OR51B5: variants seen among roughly 807,000 people sequenced by gnomAD.
The protein encoded by OR51B5 is olfactory receptor family 51 subfamily B member 5.
For missense variants in OR51B5, 456 were observed against 374.6 expected (o/e 1.22, Z -1.79); for synonymous variants, 186 against 144.8 (o/e 1.28, Z -2.04).
intron 1 of OR51B5, among the ~76,000 whole-genome samples, chr11:5,460,815 G>T (rs1448623227): frequency 6.6e-6 from 1 of 152,188 alleles, no homozygotes; most frequent in Non-Finnish European, 1.5e-5. Flanking sequence ...TTAGTTGATT[G>T]CCTTTGTTGG....
chr11:5,441,477 G>A (rs1474448546), intron 1 of OR51B5: 2 of 1,613,026 alleles, frequency 1.2e-6, no homozygotes, highest in Non-Finnish European at 1.7e-6. Context: ...CAGCTGGAGT[G>A]TTGCTGGCTG....
chr11:5,368,729 G>A (rs1849410741), intron 1 of OR51B5, among the ~76,000 whole-genome samples: 1 of 152,148 alleles, frequency 6.6e-6, no homozygotes, highest in South Asian at 2.1e-4. Context: ...TAAACATTGA[G>A]TTACTCAAAA....
At chr11:5,421,212 C>T (rs142646064) in intron 1 of OR51B5, among the ~76,000 whole-genome samples, 86 of 152,298 alleles carry the variant, frequency 5.6e-4, no homozygotes, top group Admixed American at 8.5e-4. Context: ...TGCGATGCCT[C>T]CGTGTAATCC....
At chr11:5,357,881 C>G (rs1334992330) in intron 1 of OR51B5, among the ~76,000 whole-genome samples, 1 of 151,948 alleles carries the variant, frequency 6.6e-6, no homozygotes, top group Non-Finnish European at 1.5e-5. Context: ...CAAATTGCTC[C>G]TGAATGACTA....
intron 1 of OR51B5, among the ~76,000 whole-genome samples, chr11:5,357,463 C>T (rs933471256): frequency 1.3e-5 from 2 of 152,046 alleles, no homozygotes; most frequent in Non-Finnish European, 2.9e-5. Flanking sequence ...CAGGAACACC[C>T]AGGTTCATAA....
At chr11:5,431,720 G>A (rs1850537825) in intron 1 of OR51B5, 1 of 152,542 alleles carries the variant, frequency 6.6e-6, no homozygotes, top group Non-Finnish European at 1.5e-5. Context: ...AGGAGATGGG[G>A]CAGGAAGCAA....
At chr11:5,413,545 G>C (rs1850185085) in intron 1 of OR51B5, among the ~76,000 whole-genome samples, 1 of 152,114 alleles carries the variant, frequency 6.6e-6, no homozygotes, top group Admixed American at 6.5e-5. Context: ...AAAAAATTTA[G>C]ATGAATGTAT....
chr11:5,387,903 T>C (rs907927514), intron 1 of OR51B5, among the ~76,000 whole-genome samples: 1 of 152,102 alleles, frequency 6.6e-6, no homozygotes, highest in Non-Finnish European at 1.5e-5. Context: ...TTGCAGTATG[T>C]ATGTATGTGT....
At chr11:5,470,290 C>T (rs1377540780) in intron 1 of OR51B5, among the ~76,000 whole-genome samples, 2 of 152,180 alleles carry the variant, frequency 1.3e-5, no homozygotes, top group Non-Finnish European at 1.5e-5. Context: ...ATATGTCCCA[C>T]CCATTATCAC....
chr11:5,364,151 A>C (rs1849329708), intron 1 of OR51B5, among the ~76,000 whole-genome samples: 1 of 152,196 alleles, frequency 6.6e-6, no homozygotes, highest in South Asian at 2.1e-4. Flanking sequence ...TAAAATTTTC[A>C]GGGTTCAACA....
In OR51B5 at chr11:5,493,773, A is replaced by G. The variant is rs77057737; in HGVS notation, n.84+11796T>C. On this transcript the variant is annotated intron_variant and non_coding_transcript_variant, in intron 1 of 4. Transcript: ENST00000415970. Reference sequence around the variant, plus strand: ...TTTAAACCATTAATTGCTACCATATACTTAACTTTTCTGATTCTAGAATTT... The same window carrying G: ...TTTAAACCATTAATTGCTACCATATGCTTAACTTTTCTGATTCTAGAATTT... 6.7e-3 allele frequency among the ~76,000 whole-genome samples: 1,026 copies of G among 152,218 alleles called. 7 individuals carry two copies. The highest frequency in any genetic ancestry group is 0.015 in the South Asian group (70 of 4,824).
At chr11:5,412,453 G>A (rs1850163138) in intron 1 of OR51B5, among the ~76,000 whole-genome samples, 1 of 152,196 alleles carries the variant, frequency 6.6e-6, no homozygotes, top group South Asian at 2.1e-4. Flanking sequence ...GTCAGTGGGT[G>A]CAGCGTACTG....
chr11:5,357,638 G>A (rs1011517196), intron 1 of OR51B5, among the ~76,000 whole-genome samples: 10 of 151,160 alleles, frequency 6.6e-5, no homozygotes, highest in Non-Finnish European at 1.2e-4. Context: ...GCACCAAGCG[G>A]ACCTAATAGA....
chr11:5,401,160 C>T lies in OR51B5; in HGVS notation n.85-54250G>A, dbSNP rs576292924. ...TCTTTCCCTCTATTGCCTTCCTCTC[C>T]TCCCCAGGAAAAGAACATCCTTGAA... On this transcript the variant is annotated intron_variant and non_coding_transcript_variant, in intron 1 of 4. Coordinates refer to the OR51B5 transcript ENST00000415970. Among the ~76,000 whole-genome samples, 224 of 152,274 alleles carry T rather than the reference C, an allele frequency of 1.5e-3. 2 individuals are homozygous for T. The highest frequency in any genetic ancestry group is 5.2e-3 in the African/African-American group (216 of 41,546).
At chr11:5,378,696 A>C (rs1206593627) in intron 1 of OR51B5, among the ~76,000 whole-genome samples, 1 of 152,200 alleles carries the variant, frequency 6.6e-6, no homozygotes, top group Non-Finnish European at 1.5e-5. Context: ...ATGCAACCAA[A>C]AGACACATGA....
intron 1 of OR51B5, chr11:5,390,010 C>T (rs1849768967): frequency 1.9e-6 from 3 of 1,613,326 alleles, no homozygotes; most frequent in East Asian, 4.5e-5. Context: ...GCACAGATAT[C>T]ACCTTCAATA....
intron 1 of OR51B5, among the ~76,000 whole-genome samples, chr11:5,412,473 C>A (rs371642599): frequency 6.6e-6 from 1 of 152,138 alleles, no homozygotes; most frequent in East Asian, 1.9e-4. Context: ...GTGCGCCAGC[C>A]GAAGCAGGGC....
rs899228816 is a variant in OR51B5, at chr11:5,463,135, C to T, written n.84+42434G>A. Reference sequence around the variant, plus strand: ...TTCCATTATGCATGGAAGACTTCTCCGCCAAAAATATGTATGAAATAGAAT... The same window carrying T: ...TTCCATTATGCATGGAAGACTTCTCTGCCAAAAATATGTATGAAATAGAAT... On this transcript the variant is annotated intron_variant and non_coding_transcript_variant, in intron 1 of 4. Transcript: ENST00000415970. Among the ~76,000 whole-genome samples the T allele has an allele frequency of 3.9e-5, 6 of 152,052 alleles. No homozygotes were observed. The East Asian group carries it at 7.7e-4, about 20-fold the overall frequency.
intron 1 of OR51B5, among the ~76,000 whole-genome samples, chr11:5,425,498 T>A (rs529563519): frequency 6.6e-6 from 1 of 152,284 alleles, no homozygotes; most frequent in South Asian, 2.1e-4. Flanking sequence ...AGATAAACTG[T>A]TTATTGTCTT....
Sources: gnomAD v4.1 joint callset for allele counts (sites outside exome capture counted in the v4.1 genomes callset) on GRCh38, gnomAD v4.1.1 for gene constraint, MANE v1.5 for transcripts, NCBI Gene and HGNC (gene_info 2026-07-23, HGNC 2026-07-21) for gene names.